The following TBRG4 variants were observed in gnomAD, a reference collection of about 807,000 sequenced individuals.
TBRG4 encodes FAST kinase domain-containing protein 4.
Under a neutral mutation model 65.6 loss-of-function variants are expected in TBRG4, and 43 were observed. That is an observed-to-expected ratio of 0.66 (90% CI 0.51 to 0.85). The LOEUF (loss-of-function observed/expected upper bound fraction) is 0.85. Among genes scored for constraint, TBRG4 ranks in the 40% least tolerant of loss-of-function variants. TBRG4 has a pLI of 0.00. For missense variants in TBRG4, 709 were observed against 787.9 expected, an observed-to-expected ratio of 0.90 and a Z score of 1.20; for synonymous variants, 366 against 341.4, an observed-to-expected ratio of 1.07 and a Z score of -0.79.
At chr7:45,104,007 C>T (rs1178525993) in intron 5 of TBRG4, 92 bp downstream of exon 5, 2 of 1,439,320 alleles carry the variant, frequency 1.4e-6, no homozygotes, top group African/African-American at 2.9e-5. Context: ...TGAGCATTTT[C>T]AGACTGGCTT....
intron 3 of TBRG4, 51 bp downstream of exon 3, chr7:45,105,390 C>T (rs1584030683): frequency 6.5e-7 from 1 of 1,544,966 alleles, no homozygotes; most frequent in South Asian, 1.2e-5. Context: ...AAGAACAAGC[C>T]CAAAGCCCAG....
rs1002039846 is a variant in TBRG4, at chr7:45,111,459, A to G, written c.-51+184T>C. On this transcript the variant is annotated intron_variant, in intron 1 of 10. Coordinates refer to ENST00000258770, the MANE Select transcript of TBRG4 (RefSeq NM_004749.4). ...TCTTCCAGGCCTGGCCGCGCGGGCTAGAGAGGAAGCGTGCGCACTGGCAAG... is the reference window on the plus strand; with the variant it reads ...TCTTCCAGGCCTGGCCGCGCGGGCTGGAGAGGAAGCGTGCGCACTGGCAAG... The G allele has an allele frequency of 4.2e-5, 26 of 618,260 alleles. No homozygotes were observed. In the African/African-American group the frequency reaches 4.5e-4, roughly 11 times the overall value. The allele number at this position is 618,260 out of a possible 1,614,324, so 38.3% of individuals were successfully genotyped here. A position where few individuals can be genotyped will look rare whatever the true frequency, so the allele number is the denominator to read the frequency against.
chr7:45,101,176 G>T, intron 10 of TBRG4, 82 bp downstream of exon 10: 1 of 1,388,960 alleles, frequency 7.2e-7, no homozygotes, highest in Non-Finnish European at 1.0e-6. Flanking sequence ...TATACCTGCT[G>T]GCTCAGTTCC....
Position 45,109,069 on chromosome 7 carries a change from G to T in TBRG4, c.169C>A (p.Pro57Thr). The T allele has an allele frequency of 1.2e-6, 2 of 1,614,104 alleles. No individual in the cohort carries two copies. Among genetic ancestry groups the T allele is most frequent in the Non-Finnish European group, 1.7e-6 (2 of 1,179,954 alleles). Residue 57 changes from proline (P) to threonine (T), a missense_variant, in exon 2 of 11, where the codon CCG (proline) becomes ACG (threonine). Physicochemically the swap from Pro to Thr is conservative, Grantham distance 38 (BLOSUM62 -1). Coordinates refer to ENST00000258770, the MANE Select transcript of TBRG4 (RefSeq NM_004749.4). ...GTAGATGCTCGTTCCTTCTCCACCGGCTCCATCAAGGAACCTGGGAGGTGG... is the reference window on the plus strand; with the variant it reads ...GTAGATGCTCGTTCCTTCTCCACCGTCTCCATCAAGGAACCTGGGAGGTGG... ...ISHLPGSLME[P>T]VEKERASTPY...
intron 1 of TBRG4, among the ~76,000 whole-genome samples, chr7:45,109,642 T>C (rs139900157): frequency 0.012 from 1,803 of 151,916 alleles, 14 homozygotes; most frequent in Middle Eastern, 0.024. Context: ...ACAGCATTAA[T>C]TTTTTTTTAT....
chr7:45,100,254 G>T lies in TBRG4; in HGVS notation c.*71C>A, dbSNP rs1784724215. 40 of 1,341,528 alleles carry T rather than the reference G, an allele frequency of 3.0e-5. No homozygotes were observed. The South Asian group carries it at 5.0e-4, about 17-fold the overall frequency. The allele number at this position is 1,341,528 out of a possible 1,614,324, so 83.1% of individuals were successfully genotyped here. On this transcript the variant is annotated 3_prime_UTR_variant, in exon 11 of 11. Transcript: ENST00000258770. The stretch of plus-strand genomic sequence containing the variant: ...TCCTGCACAGAGGTTTGTCCTCAAG[G>T]GTGACCCTTCTTGGCCGCCCACAGC...
Position 45,104,962 on chromosome 7 carries a change from G to T in TBRG4, c.736-253C>A, listed in dbSNP as rs574106950. 2.0e-5 allele frequency: 15 copies of T among 763,390 alleles called. No homozygotes were observed. In the African/African-American group the frequency reaches 2.2e-4, roughly 11 times the overall value. 47.3% of individuals were successfully genotyped at this position (763,390 alleles called of 1,614,324 possible). A position where few individuals can be genotyped will look rare whatever the true frequency, so the allele number is the denominator to read the frequency against. On this transcript the variant is annotated intron_variant, in intron 3 of 10. Coordinates refer to ENST00000258770, the MANE Select transcript of TBRG4 (RefSeq NM_004749.4). ...CCAGGGTAGGTGACCCAGGGCCCAT[G>T]AGCTGTGGAGCTTGCTGTGGCAGCC...
chr7:45,103,110 C>G, intron 6 of TBRG4: 1 of 580,394 alleles, frequency 1.7e-6, no homozygotes, highest in Non-Finnish European at 3.1e-6. Context: ...GGCAGGACCC[C>G]CCAGCGCTGC....
chr7:45,102,628 C>A, intron 6 of TBRG4, 137 bp from the exon 7 acceptor site: 1 of 1,237,388 alleles, frequency 8.1e-7, no homozygotes, highest in Non-Finnish European at 1.1e-6. Context: ...TAACAAGAGG[C>A]AGAACCCTGG....
chr7:45,102,236 G>T, intron 7 of TBRG4, 111 bp downstream of exon 7: 2 of 1,555,098 alleles, frequency 1.3e-6, no homozygotes, highest in Admixed American at 1.8e-5. Flanking sequence ...GATGGAGAGC[G>T]AGGGGGAGGG....
intron 3 of TBRG4, 106 bp from the exon 4 acceptor site, chr7:45,104,815 C>T: frequency 6.7e-7 from 1 of 1,501,608 alleles, no homozygotes; most frequent in Non-Finnish European, 9.1e-7. Flanking sequence ...CTGTGACAGC[C>T]CCTGTCAGAC....
chr7:45,110,636 G>A (rs1486007699), intron 1 of TBRG4: 1 of 145,360 alleles, frequency 6.9e-6, no homozygotes, highest in Non-Finnish European at 1.5e-5. Context: ...GCGAGACTCT[G>A]TCACAAAAAA....
chr7:45,110,204 AG>A (rs1323336704), intron 1 of TBRG4, among the ~76,000 whole-genome samples: 1 of 152,088 alleles, frequency 6.6e-6, no homozygotes, highest in Non-Finnish European at 1.5e-5. Flanking sequence ...CAGCAACACA[AG>A]GCCCCATTTT....
chr7:45,107,099 C>A (rs899150292), intron 2 of TBRG4: 2 of 152,100 alleles, frequency 1.3e-5, no homozygotes, highest in Non-Finnish European at 2.9e-5. Flanking sequence ...TATCACTAAG[C>A]CCTGCCCACT....
intron 2 of TBRG4, chr7:45,105,965 G>T (rs760922327): frequency 1.3e-6 from 1 of 797,802 alleles, no homozygotes; most frequent in Admixed American, 1.7e-5. Flanking sequence ...AGGCCTAGAC[G>T]CTTGGTGTCT....
Position 45,104,242 on chromosome 7 carries a change from G to A in TBRG4, c.922C>T (p.His308Tyr). 1 of 1,614,014 alleles carries A rather than the reference G, an allele frequency of 6.2e-7. No homozygotes were observed. Among genetic ancestry groups the A allele is most frequent in the Non-Finnish European group, 8.5e-7 (1 of 1,179,974 alleles). ...VAYAYGKLSF[H>Y]QTQVSQRLAT... Reference sequence around the variant, plus strand: ...AGGCGCTGGGACACCTGGGTCTGGTGAAAGCTGAGTTTGCCTTCAGGACAG... The same window carrying A: ...AGGCGCTGGGACACCTGGGTCTGGTAAAAGCTGAGTTTGCCTTCAGGACAG... Residue 308 changes from histidine to tyrosine, a missense_variant, in exon 5 of 11, where the codon CAC (histidine) becomes TAC (tyrosine). Physicochemically the swap from His to Tyr is moderately conservative, Grantham distance 83. Transcript: ENST00000258770.
At chr7:45,105,002 C>G in intron 3 of TBRG4, 1 of 740,666 alleles carries the variant, frequency 1.4e-6, no homozygotes. Flanking sequence ...GGGCCAGCCC[C>G]CGCTATGACA....
intron 6 of TBRG4, chr7:45,102,793 C>T (rs1784810514): frequency 1.8e-5 from 8 of 445,308 alleles, no homozygotes; most frequent in Admixed American, 3.9e-5. Flanking sequence ...AAGATCCCTT[C>T]TCCCATAATG....
intron 6 of TBRG4, 165 bp from the exon 7 acceptor site, chr7:45,102,656 A>G (rs924534131): frequency 6.7e-6 from 6 of 895,410 alleles, no homozygotes; most frequent in Non-Finnish European, 1.7e-6. Context: ...TGAGGCCTGG[A>G]GCAATCCTGG....
Sources: allele counts gnomAD v4.1 joint callset (sites outside exome capture counted in the v4.1 genomes callset), GRCh38; gene constraint gnomAD v4.1.1; transcripts MANE v1.5; gene names NCBI Gene and HGNC (gene_info 2026-07-23, HGNC 2026-07-21).